TAMM41: variants seen among roughly 807,000 people sequenced by gnomAD.
The protein encoded by TAMM41 is TAM41 mitochondrial translocator assembly and maintenance homolog, also known as phosphatidate cytidylyltransferase, mitochondrial.
TAMM41 carries 36 observed loss-of-function variants against 44.1 expected under a neutral mutation model. That is an observed-to-expected ratio of 0.82 (90% CI 0.63 to 1.08). TAMM41 has a LOEUF of 1.08. TAMM41 is among the 50% of genes least tolerant of loss of function. The probability of loss-of-function intolerance (pLI) is 0.00; values close to 1 mark genes in which losing one functional copy is unlikely to be tolerated. For missense variants in TAMM41, 417 were observed against 404.3 expected, an observed-to-expected ratio of 1.03 and a Z score of -0.27; for synonymous variants, 164 against 153.1, an observed-to-expected ratio of 1.07 and a Z score of -0.53.
chr3:11,742,762 AT>A, the TAMM41 span, among the ~76,000 whole-genome samples: 100 of 143,626 alleles, frequency 7.0e-4, 1 homozygote, highest in East Asian at 1.0e-3. Flanking sequence ...AATTAAAACA[AT>A]TTTTTTTTTT....
chr3:11,752,100 T>C, the TAMM41 span, among the ~76,000 whole-genome samples: 1 of 152,188 alleles, frequency 6.6e-6, no homozygotes, highest in Admixed American at 6.5e-5. Context: ...GGTGGGTTTG[T>C]GGTCTCCCTG....
rs2291823 is a variant in TAMM41 at position 11,844,246 on chromosome 3, T to G, written c.136-35A>C. On this transcript the variant is annotated intron_variant, in intron 1 of 7. Transcript: ENST00000455809. ...GAAGAAAAGAGAATAATTTCAGTAT[T>G]AATTCCTAGAAAGGCAGCAAGAGAG... The G allele has an allele frequency of 6.7e-3, 10,702 of 1,597,128 alleles. 430 individuals are homozygous for G. In the East Asian group the frequency reaches 0.11, roughly 16 times the overall value.
At chr3:11,755,827 G>GTT in the TAMM41 span, among the ~76,000 whole-genome samples, 1 of 152,174 alleles carries the variant, frequency 6.6e-6, no homozygotes, top group Non-Finnish European at 1.5e-5. Flanking sequence ...ATGCCATGCT[G>GTT]TTCTCACTGT....
intron 6 of TAMM41, chr3:11,808,099 C>G (rs2077974226): frequency 8.9e-7 from 1 of 1,123,868 alleles, no homozygotes; most frequent in Non-Finnish European, 1.2e-6. Flanking sequence ...CGTGGCGCCA[C>G]CCGGCTGTGT....
the TAMM41 span, among the ~76,000 whole-genome samples, chr3:11,751,750 C>A: frequency 6.6e-6 from 1 of 152,252 alleles, no homozygotes; most frequent in Non-Finnish European, 1.5e-5. Flanking sequence ...GCACTTGCCA[C>A]TGCTGATCCT....
rs117714973 is a variant in TAMM41, at chr3:11,827,691, A to G, written c.562+2023T>C. On this transcript the variant is annotated intron_variant, in intron 4 of 7. Coordinates refer to ENST00000455809, the MANE Select transcript of TAMM41 (RefSeq NM_001284401.2). ...GGAGGAAAAATAATAAAAATAAAAAATAAAAAAAGATAAAGCTTTCTCCTT... is the reference window on the plus strand; with the variant it reads ...GGAGGAAAAATAATAAAAATAAAAAGTAAAAAAAGATAAAGCTTTCTCCTT... 6.5e-4 allele frequency among the ~76,000 whole-genome samples: 98 copies of G among 151,862 alleles called. 1 individual carries two copies. In the East Asian group the frequency reaches 0.018, roughly 28 times the overall value.
At chr3:11,793,354 G>A (rs550090164) in intron 7 of TAMM41, among the ~76,000 whole-genome samples, 2 of 152,290 alleles carry the variant, frequency 1.3e-5, no homozygotes, top group Admixed American at 6.5e-5. Context: ...AAATGAAAAA[G>A]ACCTAAACAG....
At chr3:11,725,295 TCTCCTCCTCCTTTTTTTCTTCTC>T in the TAMM41 span, among the ~76,000 whole-genome samples, 2,796 of 97,846 alleles carry the variant, frequency 0.029, 106 homozygotes, top group African/African-American at 0.084. Flanking sequence ...TTCTCCTTCT[TCTCCTCCTCCTTTTTTTCTTCTC>T]CTCCTCCTCC....
intron 5 of TAMM41, among the ~76,000 whole-genome samples, chr3:11,814,744 C>G (rs1230688107): frequency 3.9e-5 from 6 of 152,174 alleles, no homozygotes; most frequent in Admixed American, 2.6e-4. Context: ...GGGAGGATGG[C>G]TTGAGCCCAG....
At chr3:11,823,164 A>G (rs1312439295) in intron 4 of TAMM41, among the ~76,000 whole-genome samples, 3 of 151,854 alleles carry the variant, frequency 2.0e-5, no homozygotes, top group African/African-American at 7.3e-5. Flanking sequence ...CTTACTGGCC[A>G]TTTGAATACC....
intron 7 of TAMM41, among the ~76,000 whole-genome samples, chr3:11,800,370 C>A (rs754529387): frequency 5.9e-5 from 9 of 151,836 alleles, no homozygotes; most frequent in Non-Finnish European, 1.0e-4. Flanking sequence ...TACAGACTGG[C>A]AGAATGGATT....
intron 7 of TAMM41, among the ~76,000 whole-genome samples, chr3:11,802,709 C>T (rs1222249992): frequency 6.6e-6 from 1 of 152,188 alleles, no homozygotes; most frequent in Non-Finnish European, 1.5e-5. Flanking sequence ...AGGCCGCTAT[C>T]ACCTTGGTAC....
intron 4 of TAMM41, among the ~76,000 whole-genome samples, chr3:11,828,595 G>A (rs1184883854): frequency 1.3e-5 from 2 of 152,190 alleles, no homozygotes; most frequent in East Asian, 1.9e-4. Context: ...CAGTGTGCAT[G>A]TGACCTGCTC....
chr3:11,730,594 C>T, the TAMM41 span, among the ~76,000 whole-genome samples: 7 of 151,294 alleles, frequency 4.6e-5, no homozygotes, highest in Non-Finnish European at 8.8e-5. Flanking sequence ...ATTAGCCGGG[C>T]GTGGCGGTGG....
chr3:11,761,946 C>CAAAAAAAAAAAAAAAAAAA, the TAMM41 span, among the ~76,000 whole-genome samples: 1 of 75,040 alleles, frequency 1.3e-5, no homozygotes, highest in African/African-American at 4.4e-5. Flanking sequence ...GACTCTGTCT[C>CAAAAAAAAAAAAAAAAAAA]AAAAAAAAAA....
chr3:11,752,400 T>A, the TAMM41 span, among the ~76,000 whole-genome samples: 9 of 152,136 alleles, frequency 5.9e-5, no homozygotes, highest in East Asian at 1.9e-4. Flanking sequence ...CCTTTATTTG[T>A]CCCTGCCCAC....
At chr3:11,819,081 G>C (rs1414376052) in intron 4 of TAMM41, among the ~76,000 whole-genome samples, 1 of 151,930 alleles carries the variant, frequency 6.6e-6, no homozygotes, top group Non-Finnish European at 1.5e-5. Context: ...TAAAACCTGG[G>C]ATCACTGCTA....
chr3:11,776,327 T>A, the TAMM41 span, among the ~76,000 whole-genome samples: 2 of 151,222 alleles, frequency 1.3e-5, no homozygotes, highest in Non-Finnish European at 3.0e-5. Flanking sequence ...CATTTAAAAT[T>A]TTTTTTTTAG....
chr3:11,749,746 G>A, the TAMM41 span, among the ~76,000 whole-genome samples: 5 of 152,130 alleles, frequency 3.3e-5, no homozygotes, highest in East Asian at 1.9e-4. Context: ...CTGGAGATCC[G>A]CTGGGTCTGC....
Sources: allele counts gnomAD v4.1 joint callset (sites outside exome capture counted in the v4.1 genomes callset), GRCh38; gene constraint gnomAD v4.1.1; transcripts MANE v1.5; gene names NCBI Gene and HGNC (gene_info 2026-07-23, HGNC 2026-07-21).